The following DYNLL1 variants were observed in gnomAD, a reference collection of about 807,000 sequenced individuals.
DYNLL1 encodes dynein light chain 1, cytoplasmic.
A neutral mutation model predicts 10.1 loss-of-function variants in DYNLL1; 3 were observed. That is an observed-to-expected ratio of 0.30 (90% CI 0.14 to 0.77). The LOEUF (loss-of-function observed/expected upper bound fraction) is 0.77. DYNLL1 is among the 30% of genes least tolerant of loss of function. DYNLL1 has a pLI of 0.66. For missense variants in DYNLL1, 47 were observed against 111.7 expected, an observed-to-expected ratio of 0.42 and a Z score of 2.61; for synonymous variants, 46 against 41.2, an observed-to-expected ratio of 1.12 and a Z score of -0.45.
upstream of DYNLL1, chr12:120,493,976 T>C (rs572202491): frequency 5.9e-5 from 9 of 152,146 alleles, no homozygotes; most frequent in East Asian, 1.3e-3. Context: ...AGTATTATTA[T>C]AGTAAAAATT....
intron 1 of DYNLL1, 93 bp downstream of exon 1, chr12:120,496,309 G>GT (rs1197832387): frequency 2.4e-5 from 36 of 1,487,020 alleles, no homozygotes; most frequent in Non-Finnish European, 3.3e-5. Context: ...TTCCTGAGAA[G>GT]TGGGGTGGGG....
chr12:120,471,314 A>G (rs1028110714), intron 1 of DYNLL1, among the ~76,000 whole-genome samples: 1 of 151,732 alleles, frequency 6.6e-6, no homozygotes, highest in African/African-American at 2.4e-5. Flanking sequence ...CAGAGGTTGC[A>G]GTGAGCCGAG....
chr12:120,476,313 T>TG (rs1364471595), intron 1 of DYNLL1, among the ~76,000 whole-genome samples: 7 of 151,424 alleles, frequency 4.6e-5, no homozygotes. Context: ...TCTGGAGTTT[T>TG]TTTTTTTTAA....
chr12:120,494,707 C>T (rs1051343725), upstream of DYNLL1, among the ~76,000 whole-genome samples: 5 of 152,288 alleles, frequency 3.3e-5, no homozygotes, highest in African/African-American at 9.6e-5. Flanking sequence ...CCCCTTGACT[C>T]GGCTTCTCAA....
rs71076619 is a variant in DYNLL1, at chr12:120,487,272, C to CTTTTT, written c.-6-9110_-6-9106dup. 7.9e-5 allele frequency among the ~76,000 whole-genome samples: 4 copies of CTTTTT among 50,416 alleles called. 1 individual carries two copies. The highest frequency in any genetic ancestry group is 5.9e-4 in the East Asian group (1 of 1,688). 33.1% of individuals were successfully genotyped at this position (50,416 alleles called of 152,430 possible). A position where few individuals can be genotyped will look rare whatever the true frequency, so the allele number is the denominator to read the frequency against. ...ACAGGCGTAAGCCACCGTGCCCGGCCTTTTTTTTTTTTTTTTTTTTTTTTT... is the reference window on the plus strand; with the variant it reads ...ACAGGCGTAAGCCACCGTGCCCGGCCTTTTTTTTTTTTTTTTTTTTTTTTTTTTTT... On this transcript the variant is annotated intron_variant, in intron 1 of 2. Coordinates refer to the DYNLL1 transcript ENST00000392509.
At position 120,485,839 on chromosome 12, in the gene DYNLL1, TAAAAAAAAAAA is replaced by T. The variant is rs749971979; in HGVS notation, c.-6-10564_-6-10554del. ...CTATTTGACAGAGTAAGTCCCTGTC[TAAAAAAAAAAA>T]AAAAAAAAAAAAGATACATACAGTG... is the stretch of plus-strand genomic sequence containing the variant. On this transcript the variant is annotated intron_variant, in intron 1 of 2. Coordinates refer to the DYNLL1 transcript ENST00000392509. Among the ~76,000 whole-genome samples, 108 of 76,256 alleles carry T rather than the reference TAAAAAAAAAAA, an allele frequency of 1.4e-3. 3 individuals are homozygous for T. In the South Asian group the frequency reaches 0.052, roughly 37 times the overall value. The allele number at this position is 76,256 out of a possible 152,430, so 50.0% of individuals were successfully genotyped here. A position where few individuals can be genotyped will look rare whatever the true frequency, so the allele number is the denominator to read the frequency against.
chr12:120,480,866 TCTC>T (rs1222254068), intron 1 of DYNLL1, among the ~76,000 whole-genome samples: 1 of 151,682 alleles, frequency 6.6e-6, no homozygotes, highest in Non-Finnish European at 1.5e-5. Context: ...TTCACGTCAT[TCTC>T]CTGCCTCAGC....
At chr12:120,477,383 C>T (rs548750481) in intron 1 of DYNLL1, among the ~76,000 whole-genome samples, 1 of 152,248 alleles carries the variant, frequency 6.6e-6, no homozygotes, top group East Asian at 1.9e-4. Flanking sequence ...AGCCATAGAA[C>T]ATTGAGCCTG....
chr12:120,482,017 T>C (rs1878889985), intron 1 of DYNLL1, among the ~76,000 whole-genome samples: 1 of 152,116 alleles, frequency 6.6e-6, no homozygotes, highest in Non-Finnish European at 1.5e-5. Context: ...CTTGGCCTTC[T>C]CTTGTTAATA....
At chr12:120,473,511 AT>A (rs746634188) in intron 1 of DYNLL1, among the ~76,000 whole-genome samples, 2 of 151,884 alleles carry the variant, frequency 1.3e-5, no homozygotes, top group African/African-American at 2.4e-5. Flanking sequence ...CCTGGTCAAC[AT>A]GGCAAAACCT....
upstream of DYNLL1, chr12:120,495,537 C>T (rs2233673): frequency 3.5e-3 from 537 of 152,184 alleles, 1 homozygote; most frequent in Non-Finnish European, 6.5e-3. Flanking sequence ...GGGCCCAGTG[C>T]AAAATGAAAA....
chr12:120,472,235 G>T (rs1452698916), intron 1 of DYNLL1, among the ~76,000 whole-genome samples: 5 of 151,946 alleles, frequency 3.3e-5, no homozygotes, highest in Non-Finnish European at 1.5e-5. Context: ...TCTCTTGATG[G>T]CAGTGATTTC....
intron 1 of DYNLL1, among the ~76,000 whole-genome samples, chr12:120,477,031 G>A (rs1276234101): frequency 2.0e-5 from 3 of 151,992 alleles, no homozygotes; most frequent in Non-Finnish European, 4.4e-5. Flanking sequence ...CTAGGTTCAA[G>A]CGATTCTCCT....
chr12:120,498,041 A>C, intron 2 of DYNLL1, 32 bp from the exon 3 acceptor site: 2 of 1,606,442 alleles, frequency 1.2e-6, no homozygotes, highest in Non-Finnish European at 1.7e-6. Context: ...CTGGTAATTA[A>C]AATCCTAGTT....
chr12:120,488,913 C>T (rs1879057850), intron 1 of DYNLL1, among the ~76,000 whole-genome samples: 1 of 151,076 alleles, frequency 6.6e-6, no homozygotes. Context: ...AACTCTGTCT[C>T]AAAAAAAGAA....
upstream of DYNLL1, among the ~76,000 whole-genome samples, chr12:120,495,624 T>G (rs1316409702): frequency 7.5e-6 from 1 of 134,220 alleles, no homozygotes. Context: ...ACCCTTTCAG[T>G]AAAGGGAGAG....
intron 1 of DYNLL1, among the ~76,000 whole-genome samples, chr12:120,479,468 A>AAAAAAAAT (rs1555221140): frequency 3.7e-5 from 4 of 109,578 alleles, no homozygotes; most frequent in Non-Finnish European, 7.4e-5. Flanking sequence ...AAAAAAAAAA[A>AAAAAAAAT]AATAATAATA....
chr12:120,480,915 A>G (rs1029934776), intron 1 of DYNLL1, among the ~76,000 whole-genome samples: 6 of 151,896 alleles, frequency 4.0e-5, no homozygotes, highest in Admixed American at 2.0e-4. Flanking sequence ...GCCCGCCACC[A>G]TGCCCAGCTA....
At chr12:120,474,442 T>TAAAAAAAAAAAAA (rs11355698) in intron 1 of DYNLL1, among the ~76,000 whole-genome samples, 1 of 142,776 alleles carries the variant, frequency 7.0e-6, no homozygotes. Flanking sequence ...AAAAACAACA[T>TAAAAAAAAAAAAA]AAAAAAAAAA....
Sources: allele counts gnomAD v4.1 joint callset (sites outside exome capture counted in the v4.1 genomes callset), GRCh38; gene constraint gnomAD v4.1.1; transcripts MANE v1.5; gene names NCBI Gene and HGNC (gene_info 2026-07-23, HGNC 2026-07-21).